Variants in KIRREL3 observed in about 807,000 individuals in gnomAD.
KIRREL3 encodes kirre like nephrin family adhesion molecule 3, also known as kin of IRRE-like protein 3.
A neutral mutation model predicts 89.7 loss-of-function variants in KIRREL3; 36 were observed. The ratio of observed to expected loss-of-function variants is 0.40; its 90% CI spans 0.31 to 0.53. The LOEUF is 0.53. Ranked by LOEUF, KIRREL3 falls within the 20% of genes least tolerant of loss-of-function variation. The pLI is 0.49. For missense variants in KIRREL3, 864 were observed against 1,056.6 expected (o/e 0.82, Z 2.53); for synonymous variants, 445 against 441.4 (o/e 1.01, Z -0.10).
At chr11:126,711,787 GCTGTGC>G (rs1441012227) in intron 1 of KIRREL3, among the ~76,000 whole-genome samples, 4 of 152,352 alleles carry the variant, frequency 2.6e-5, no homozygotes, top group African/African-American at 9.6e-5. Flanking sequence ...GTGCGAGGAT[GCTGTGC>G]CAGCAAAGGG....
intron 1 of KIRREL3, among the ~76,000 whole-genome samples, chr11:126,586,737 A>C (rs975549612): frequency 3.3e-5 from 5 of 152,056 alleles, no homozygotes; most frequent in Non-Finnish European, 7.4e-5. Flanking sequence ...CTTTTGAAGT[A>C]GCGGATACAA....
chr11:126,892,939 C>G lies in KIRREL3; in HGVS notation c.55+107516G>C, dbSNP rs1429050316. Reference sequence around the variant, plus strand: ...GCTGCAGAATCGGGCTAGGATAGGGCTGAGTATTCTAATTGCCTGTGGGAT... The same window carrying G: ...GCTGCAGAATCGGGCTAGGATAGGGGTGAGTATTCTAATTGCCTGTGGGAT... On this transcript the variant is annotated intron_variant, in intron 1 of 16. Transcript: ENST00000525144. The surrounding 1 kb of genome is among the most constrained non-coding windows in gnomAD (Gnocchi z 5.4). 1.3e-5 allele frequency among the ~76,000 whole-genome samples: 2 copies of G among 152,192 alleles called. No homozygotes were observed. The highest frequency in any genetic ancestry group is 2.9e-5 in the Non-Finnish European group (2 of 68,042).
rs1237949047 is a variant in KIRREL3, at chr11:126,783,017, A to G, written c.55+217438T>C. Among the ~76,000 whole-genome samples the G allele has an allele frequency of 1.3e-5, 2 of 152,198 alleles. No homozygotes were observed. The highest frequency in any genetic ancestry group is 2.9e-5 in the Non-Finnish European group (2 of 68,034). On this transcript the variant is annotated intron_variant, in intron 1 of 16. Transcript: ENST00000525144. The surrounding 1 kb of genome is among the most constrained non-coding windows in gnomAD (Gnocchi z 4.3). ...GAGCATCTTGTAGTGCCAGAAAATA[A>G]GGAAGTGCTCTGTGCTAGTTTCCTA...
At position 126,814,317 on chromosome 11, in the gene KIRREL3, A is replaced by G. The variant is rs973272848; in HGVS notation, c.55+186138T>C. Reference sequence around the variant, plus strand: ...GGAATGCTTTTACACTGTTGGTGGGAGTGTAAATTAGTTCAACCATTGTGT... The same window carrying G: ...GGAATGCTTTTACACTGTTGGTGGGGGTGTAAATTAGTTCAACCATTGTGT... On this transcript the variant is annotated intron_variant, in intron 1 of 16. Coordinates refer to ENST00000525144, the MANE Select transcript of KIRREL3 (RefSeq NM_032531.4). The surrounding 1 kb of genome is among the most constrained non-coding windows in gnomAD (Gnocchi z 4.4). Among the ~76,000 whole-genome samples, 2 of 152,210 alleles carry G rather than the reference A, an allele frequency of 1.3e-5. No individual in the cohort carries two copies. Among genetic ancestry groups the G allele is most frequent in the African/African-American group, 4.8e-5 (2 of 41,526 alleles).
At position 126,750,877 on chromosome 11, in the gene KIRREL3, A is replaced by G. The variant is rs1174232576; in HGVS notation, c.56-187965T>C. Among the ~76,000 whole-genome samples, 1 of 152,220 alleles carries G rather than the reference A, an allele frequency of 6.6e-6. No homozygotes were observed. The highest frequency in any genetic ancestry group is 1.9e-4 in the East Asian group (1 of 5,200). Reference sequence around the variant, plus strand: ...AGTACTAATAAAACACATGATAGTTATCACTTTAGGGATGGCTTTGATTTG... The same window carrying G: ...AGTACTAATAAAACACATGATAGTTGTCACTTTAGGGATGGCTTTGATTTG... On this transcript the variant is annotated intron_variant, in intron 1 of 16. Coordinates refer to ENST00000525144, the MANE Select transcript of KIRREL3 (RefSeq NM_032531.4). The surrounding 1 kb of genome is among the most constrained non-coding windows in gnomAD (Gnocchi z 4.2).
intron 7 of KIRREL3, among the ~76,000 whole-genome samples, chr11:126,449,699 C>T (rs752398901): frequency 3.3e-5 from 5 of 152,216 alleles, no homozygotes; most frequent in East Asian, 1.9e-4. Flanking sequence ...CTCCATCTCC[C>T]GTCCAAACAG....
At chr11:126,650,078 T>C (rs1944850514) in intron 1 of KIRREL3, among the ~76,000 whole-genome samples, 1 of 152,230 alleles carries the variant, frequency 6.6e-6, no homozygotes, top group Admixed American at 6.5e-5. Flanking sequence ...GAGCTCTACA[T>C]TGGCCCCTTT....
At chr11:126,613,479 A>T (rs1943214416) in intron 1 of KIRREL3, among the ~76,000 whole-genome samples, 1 of 152,120 alleles carries the variant, frequency 6.6e-6, no homozygotes, top group Non-Finnish European at 1.5e-5. Flanking sequence ...CAATCATTTG[A>T]TTGATGTGCA....
intron 6 of KIRREL3, among the ~76,000 whole-genome samples, chr11:126,461,527 C>T (rs148679839): frequency 4.7e-4 from 71 of 152,248 alleles, no homozygotes; most frequent in African/African-American, 1.7e-3. Context: ...GTAGGGGGGA[C>T]AGAGATGTTT....
At chr11:126,456,039 G>T (rs944237448) in intron 7 of KIRREL3, among the ~76,000 whole-genome samples, 40 of 68,288 alleles carry the variant, frequency 5.9e-4, no homozygotes, top group South Asian at 9.9e-4. Context: ...TTTTGTTTTC[G>T]TTTTTTTTTT....
In KIRREL3 at chr11:126,802,126, C is replaced by A. The variant is rs1951055568; in HGVS notation, c.55+198329G>T. Among the ~76,000 whole-genome samples the A allele has an allele frequency of 6.6e-6, 1 of 152,110 alleles. No individual in the cohort carries two copies. The highest frequency in any genetic ancestry group is 6.5e-5 in the Admixed American group (1 of 15,268). ...CCAGGACAGTAGACATTCAGAAATTCAGTTTTAATGTCACAGGTTATGACT... is the reference window on the plus strand; with the variant it reads ...CCAGGACAGTAGACATTCAGAAATTAAGTTTTAATGTCACAGGTTATGACT... On this transcript the variant is annotated intron_variant, in intron 1 of 16. Coordinates refer to ENST00000525144, the MANE Select transcript of KIRREL3 (RefSeq NM_032531.4). This position sits in a 1 kb window ranked among gnomAD's most constrained non-coding sequence, Gnocchi z 5.2.
rs1225069383 is a variant in KIRREL3 at position 126,429,321 on chromosome 11, A to G, written c.1697-33T>C. On this transcript the variant is annotated intron_variant, in intron 14 of 16. Transcript: ENST00000525144. The surrounding 1 kb of genome is among the most constrained non-coding windows in gnomAD (Gnocchi z 5.2). ...TAAAATAGTAAAGTGTAGATGATAG[A>G]TTTAGTTCTTACCTTTGAGATGTCA... 6.7e-7 allele frequency: 1 copy of G among 1,481,658 alleles called. No individual in the cohort carries two copies. The highest frequency in any genetic ancestry group is 1.7e-5 in the Admixed American group (1 of 59,444). The allele number at this position is 1,481,658 out of a possible 1,614,324, so 91.8% of individuals were successfully genotyped here. A position where few individuals can be genotyped will look rare whatever the true frequency, so the allele number is the denominator to read the frequency against.
rs1485512928 is a variant in KIRREL3, at chr11:126,642,589, C to T, written c.56-79677G>A. Among the ~76,000 whole-genome samples, 1 of 152,184 alleles carries T rather than the reference C, an allele frequency of 6.6e-6. No individual in the cohort carries two copies. Among genetic ancestry groups the T allele is most frequent in the African/African-American group, 2.4e-5 (1 of 41,440 alleles). On this transcript the variant is annotated intron_variant, in intron 1 of 16. Coordinates refer to ENST00000525144, the MANE Select transcript of KIRREL3 (RefSeq NM_032531.4). This position sits in a 1 kb window ranked among gnomAD's most constrained non-coding sequence, Gnocchi z 4.9. ...GATTTTCTTGGGTGACCACCATCTCCAAGAGAACCTCTTAGAAGTAGGCCA... is the reference window on the plus strand; with the variant it reads ...GATTTTCTTGGGTGACCACCATCTCTAAGAGAACCTCTTAGAAGTAGGCCA...
chr11:126,800,525 G>A (rs1206406657), intron 1 of KIRREL3, among the ~76,000 whole-genome samples: 1 of 152,148 alleles, frequency 6.6e-6, no homozygotes, highest in Non-Finnish European at 1.5e-5. Flanking sequence ...TTCAACTGCA[G>A]TGAAATATCA....
At chr11:126,466,538 G>A (rs1338631412) in intron 5 of KIRREL3, among the ~76,000 whole-genome samples, 3 of 152,198 alleles carry the variant, frequency 2.0e-5, no homozygotes, top group Non-Finnish European at 1.5e-5. Flanking sequence ...GGAGGGGCAC[G>A]GGGGATCTGC....
chr11:126,774,164 CTTT>C (rs5795521), intron 1 of KIRREL3, among the ~76,000 whole-genome samples: 1,672 of 137,078 alleles, frequency 0.012, 13 homozygotes, highest in African/African-American at 0.025. Flanking sequence ...GAGAGTAAAG[CTTT>C]TTTTTTTTTT....
rs926496430 is a variant in KIRREL3 at position 126,709,880 on chromosome 11, G to A, written c.56-146968C>T. ...AGGGAGCTGGAGAGGCTGAGCACTG[G>A]GGCACGAGGGTAGGTAATGATGTGA... On this transcript the variant is annotated intron_variant, in intron 1 of 16. Coordinates refer to ENST00000525144, the MANE Select transcript of KIRREL3 (RefSeq NM_032531.4). This position sits in a 1 kb window ranked among gnomAD's most constrained non-coding sequence, Gnocchi z 4.0. Among the ~76,000 whole-genome samples, 2 of 152,172 alleles carry A rather than the reference G, an allele frequency of 1.3e-5. No homozygotes were observed. The highest frequency in any genetic ancestry group is 1.5e-5 in the Non-Finnish European group (1 of 68,026).
intron 1 of KIRREL3, among the ~76,000 whole-genome samples, chr11:126,815,669 G>T (rs1249944896): frequency 1.3e-5 from 2 of 152,092 alleles, no homozygotes; most frequent in Non-Finnish European, 2.9e-5. Flanking sequence ...GAGTAGCTGG[G>T]ACTACAGGCA....
chr11:126,522,310 G>T lies in KIRREL3; in HGVS notation c.284-846C>A, dbSNP rs529929529. 6.6e-6 allele frequency among the ~76,000 whole-genome samples: 1 copy of T among 152,294 alleles called. No individual in the cohort carries two copies. The highest frequency in any genetic ancestry group is 2.1e-4 in the South Asian group (1 of 4,820). ...TCAGAGAGAGAAGGAAGGAAAAAGA[G>T]AAATGTTTGGAAAAGGATCAAGAGT... On this transcript the variant is annotated intron_variant, in intron 3 of 16. Coordinates refer to ENST00000525144, the MANE Select transcript of KIRREL3 (RefSeq NM_032531.4). The surrounding 1 kb of genome is among the most constrained non-coding windows in gnomAD (Gnocchi z 6.0).
Sources: allele counts gnomAD v4.1 joint callset (sites outside exome capture counted in the v4.1 genomes callset), GRCh38; gene constraint gnomAD v4.1.1; non-coding constraint Gnocchi (gnomAD v3.1); transcripts MANE v1.5; gene names NCBI Gene and HGNC (gene_info 2026-07-23, HGNC 2026-07-21).